Variants in PDE10A observed in about 807,000 individuals in gnomAD.
The protein encoded by PDE10A is phosphodiesterase 10A, also known as cAMP and cAMP-inhibited cGMP 3',5'-cyclic phosphodiesterase 10A.
Under a neutral mutation model 97.7 loss-of-function variants are expected in PDE10A, and 39 were observed. The ratio of observed to expected loss-of-function variants is 0.40; its 90% CI spans 0.31 to 0.52. PDE10A has a LOEUF of 0.52. Ranked by LOEUF, PDE10A falls within the 20% of genes least tolerant of loss-of-function variation. The pLI is 0.56. For missense variants in PDE10A, 731 were observed against 1,047.8 expected, an observed-to-expected ratio of 0.70 and a Z score of 4.17; for synonymous variants, 371 against 376.8, an observed-to-expected ratio of 0.98 and a Z score of 0.18.
chr6:165,614,022 A>C (rs1787614484), intron 1 of PDE10A, among the ~76,000 whole-genome samples: 1 of 152,072 alleles, frequency 6.6e-6, no homozygotes, highest in African/African-American at 2.4e-5. Context: ...CCCTGCTCCC[A>C]CTTCTGCCGT....
chr6:165,779,187 C>A (rs1489120884), intron 1 of PDE10A, among the ~76,000 whole-genome samples: 2 of 152,176 alleles, frequency 1.3e-5, no homozygotes, highest in African/African-American at 4.8e-5. Flanking sequence ...GGTAGTGATA[C>A]AAATTTTTGT....
chr6:165,746,721 T>A (rs1279756820), intron 1 of PDE10A, among the ~76,000 whole-genome samples: 2 of 152,188 alleles, frequency 1.3e-5, no homozygotes, highest in Non-Finnish European at 2.9e-5. Context: ...GACTCCTGGG[T>A]CAGTGGAACA....
At chr6:165,383,932 C>T (rs1040397028) in intron 17 of PDE10A, among the ~76,000 whole-genome samples, 2 of 152,022 alleles carry the variant, frequency 1.3e-5, no homozygotes, top group Non-Finnish European at 2.9e-5. Flanking sequence ...GGGGTAATTA[C>T]ATGTAGAGAG....
At chr6:165,809,008 A>G (rs1779209282) in intron 1 of PDE10A, among the ~76,000 whole-genome samples, 1 of 152,234 alleles carries the variant, frequency 6.6e-6, no homozygotes, top group Non-Finnish European at 1.5e-5. Flanking sequence ...TTAAGGAGGT[A>G]AATAACCCCT....
chr6:165,543,580 T>C lies in PDE10A; in HGVS notation c.866-12A>G. 6.3e-7 allele frequency: 1 copy of C among 1,597,938 alleles called. No homozygotes were observed. The highest frequency in any genetic ancestry group is 8.5e-7 in the Non-Finnish European group (1 of 1,170,914). ...TTCATCTGTCAAACCTGTAAAAGAATTGAAAAGAATAAAATTCACCTATAC... is the reference window on the plus strand; with the variant it reads ...TTCATCTGTCAAACCTGTAAAAGAACTGAAAAGAATAAAATTCACCTATAC... On this transcript the variant is annotated splice_polypyrimidine_tract_variant and intron_variant, in intron 1 of 21. Transcript: ENST00000539869.
At chr6:165,503,947 T>G (rs375580624) in intron 2 of PDE10A, among the ~76,000 whole-genome samples, 1 of 152,222 alleles carries the variant, frequency 6.6e-6, no homozygotes, top group Non-Finnish European at 1.5e-5. Flanking sequence ...TCAATCTTGC[T>G]ACTGTATTTC....
At chr6:165,726,581 C>A (rs1367423317) in intron 1 of PDE10A, among the ~76,000 whole-genome samples, 2 of 152,188 alleles carry the variant, frequency 1.3e-5, no homozygotes, top group African/African-American at 4.8e-5. Flanking sequence ...CCGCTCCCCC[C>A]GGTGGTCCAC....
intron 13 of PDE10A, among the ~76,000 whole-genome samples, chr6:165,405,085 T>TA (rs397754932): frequency 3.2e-4 from 48 of 148,760 alleles, no homozygotes; most frequent in South Asian, 6.4e-4. Flanking sequence ...GGGAACAAAT[T>TA]AAAAAAAAAA....
At chr6:165,938,431 C>A (rs1053600346) in intron 1 of PDE10A, among the ~76,000 whole-genome samples, 6 of 152,192 alleles carry the variant, frequency 3.9e-5, no homozygotes, top group Non-Finnish European at 8.8e-5. Flanking sequence ...CCATGTTATA[C>A]ATGCAATTTT....
intron 1 of PDE10A, among the ~76,000 whole-genome samples, chr6:165,843,066 G>C (rs376853826): frequency 1.3e-5 from 2 of 152,330 alleles, no homozygotes; most frequent in African/African-American, 4.8e-5. Flanking sequence ...GTGAGGCCCC[G>C]CTGTGCTCAG....
intron 1 of PDE10A, among the ~76,000 whole-genome samples, chr6:165,702,792 G>A (rs140314929): frequency 6.6e-4 from 101 of 152,252 alleles, no homozygotes; most frequent in Middle Eastern, 3.4e-3. Flanking sequence ...AGTTCCCATG[G>A]TGCACTGCAA....
chr6:165,335,984 G>A, intron 21 of PDE10A, 139 bp downstream of exon 21: 1 of 717,618 alleles, frequency 1.4e-6, no homozygotes, highest in Non-Finnish European at 2.5e-6. Context: ...CAGGTAAGGA[G>A]GCCCCGAGTC....
chr6:165,619,254 C>CTAGCG (rs1787913672), intron 1 of PDE10A, among the ~76,000 whole-genome samples: 1 of 125,054 alleles, frequency 8.0e-6, no homozygotes, highest in African/African-American at 3.3e-5. Context: ...GTAGTGTAGT[C>CTAGCG]TAGTGTAGTG....
At position 165,717,079 on chromosome 6, in the gene PDE10A, G is replaced by A. The variant is rs1048864239; in HGVS notation, c.-614-173511C>T. Among the ~76,000 whole-genome samples the A allele has an allele frequency of 3.3e-5, 5 of 152,242 alleles. No individual in the cohort carries two copies. The East Asian group carries it at 7.7e-4, about 23-fold the overall frequency. Reference sequence around the variant, plus strand: ...ACTTCTCTAGGTGCGTCATGGAAGTGGAATGCACAGTATTTGTTTTTTATG... The same window carrying A: ...ACTTCTCTAGGTGCGTCATGGAAGTAGAATGCACAGTATTTGTTTTTTATG... On this transcript the variant is annotated intron_variant, in intron 1 of 19. Coordinates refer to the PDE10A transcript ENST00000366882.
chr6:165,399,307 A>G (rs1786439528), intron 13 of PDE10A, among the ~76,000 whole-genome samples: 1 of 152,218 alleles, frequency 6.6e-6, no homozygotes, highest in Admixed American at 6.5e-5. Context: ...AGGCTTTTCT[A>G]TAGGAAATTA....
At chr6:165,929,429 C>T (rs1308971980) in intron 1 of PDE10A, among the ~76,000 whole-genome samples, 1 of 152,174 alleles carries the variant, frequency 6.6e-6, no homozygotes, top group Admixed American at 6.5e-5. Flanking sequence ...TGGACACGTT[C>T]CATACATGTG....
chr6:165,471,709 G>A (rs933780828), intron 3 of PDE10A, among the ~76,000 whole-genome samples: 1 of 151,868 alleles, frequency 6.6e-6, no homozygotes, highest in East Asian at 1.9e-4. Flanking sequence ...ATTCTTGTTA[G>A]CCCTCCTTTC....
intron 1 of PDE10A, among the ~76,000 whole-genome samples, chr6:165,903,754 G>A (rs1782182578): frequency 6.6e-6 from 1 of 151,014 alleles, no homozygotes; most frequent in African/African-American, 2.4e-5. Context: ...CAAAAAAAAA[G>A]CTGAGTACTC....
intron 1 of PDE10A, among the ~76,000 whole-genome samples, chr6:165,806,175 C>T (rs1430730313): frequency 6.6e-6 from 1 of 151,906 alleles, no homozygotes; most frequent in Non-Finnish European, 1.5e-5. Context: ...GAGACACAGC[C>T]ACACGTCTAC....
Sources: allele counts gnomAD v4.1 joint callset (sites outside exome capture counted in the v4.1 genomes callset), GRCh38; gene constraint gnomAD v4.1.1; transcripts MANE v1.5; gene names NCBI Gene and HGNC (gene_info 2026-07-23, HGNC 2026-07-21).